The following ZFHX4 variants were observed in gnomAD, a reference collection of about 807,000 sequenced individuals.
The protein encoded by ZFHX4 is zinc finger homeobox protein 4.
ZFHX4 carries 56 observed loss-of-function variants against 267.6 expected under a neutral mutation model. The ratio of observed to expected loss-of-function variants is 0.21; its 90% CI spans 0.17 to 0.26. ZFHX4 has a LOEUF of 0.26. Among genes scored for constraint, ZFHX4 ranks in the 10% least tolerant of loss-of-function variants. The pLI is 1.00. For missense variants in ZFHX4, 4,332 were observed against 4,420.0 expected (o/e 0.98, Z 0.56); for synonymous variants, 1,778 against 1,665.6 (o/e 1.07, Z -1.64).
intron 4 of ZFHX4, among the ~76,000 whole-genome samples, chr8:76,779,492 A>G (rs16939358): frequency 0.033 from 4,963 of 152,236 alleles, 95 homozygotes; most frequent in East Asian, 0.064. Flanking sequence ...AATCAGCATC[A>G]GTGAATCAGA....
At chr8:76,681,887 G>C (rs1202222836) in intron 1 of ZFHX4, among the ~76,000 whole-genome samples, 2 of 152,156 alleles carry the variant, frequency 1.3e-5, no homozygotes, top group Non-Finnish European at 2.9e-5. Context: ...CTGAGGGAGG[G>C]AGGGGGCACT....
At chr8:76,721,711 T>C (rs1314277371) in intron 3 of ZFHX4, among the ~76,000 whole-genome samples, 2 of 152,136 alleles carry the variant, frequency 1.3e-5, no homozygotes, top group East Asian at 1.9e-4. Context: ...AGATTTCTGA[T>C]TTGCAGAACT....
At chr8:76,861,333 C>T (rs1318543228) in intron 10 of ZFHX4, among the ~76,000 whole-genome samples, 1 of 152,132 alleles carries the variant, frequency 6.6e-6, no homozygotes, top group Non-Finnish European at 1.5e-5. Flanking sequence ...AAAATTTAGT[C>T]TCCTCTAGCT....
intron 3 of ZFHX4, among the ~76,000 whole-genome samples, chr8:76,738,036 C>G (rs1188367317): frequency 6.6e-6 from 1 of 152,120 alleles, no homozygotes; most frequent in Non-Finnish European, 1.5e-5. Context: ...TAGAATTTAA[C>G]TAGTGATTCA....
At chr8:76,849,752 G>A (rs768630347) in intron 8 of ZFHX4, 40 bp downstream of exon 8, 2 of 1,535,732 alleles carry the variant, frequency 1.3e-6, no homozygotes, top group South Asian at 1.1e-5. Context: ...GACATAATCT[G>A]TGTCAGGAAT....
At chr8:76,706,736 C>A (rs1477219497) in intron 2 of ZFHX4, 58 bp downstream of exon 2, 3 of 1,453,806 alleles carry the variant, frequency 2.1e-6, no homozygotes, top group Non-Finnish European at 2.7e-6. Flanking sequence ...TTTGATTTGG[C>A]GTGATGCACC....
At chr8:76,821,541 T>C (rs75368122) in intron 4 of ZFHX4, among the ~76,000 whole-genome samples, 4 of 150,698 alleles carry the variant, frequency 2.7e-5, no homozygotes, top group African/African-American at 4.9e-5. Flanking sequence ...TTTTTTTTTT[T>C]CACTAGGCTG....
chr8:76,697,090 A>G (rs907750095), intron 1 of ZFHX4, among the ~76,000 whole-genome samples: 4 of 152,002 alleles, frequency 2.6e-5, no homozygotes, highest in African/African-American at 9.7e-5. Flanking sequence ...TACCTACGCT[A>G]TTATACTTAG....
rs1182511042 is a variant in ZFHX4, at chr8:76,851,649, C to T, written c.4728C>T (p.Ala1576=). The T allele has an allele frequency of 5.0e-6, 8 of 1,613,878 alleles. No homozygotes were observed. The South Asian group carries it at 6.6e-5, about 13-fold the overall frequency. The change falls in exon 10 of 11, where the codon GCC becomes GCT. Residue 1576 remains alanine (A), a synonymous_variant. Coordinates refer to ENST00000651372, the MANE Select transcript of ZFHX4 (RefSeq NM_024721.5). ...LHKLKKVLQE[A]SSPVPQETNS... ...AGCTGAAAAAAGTTTTGCAGGAAGC[C>T]TCCAGTCCTGTCCCACAAGAAACCA... is the stretch of plus-strand genomic sequence containing the variant.
chr8:76,757,036 G>T (rs1270100811), intron 3 of ZFHX4, among the ~76,000 whole-genome samples: 1 of 151,962 alleles, frequency 6.6e-6, no homozygotes, highest in Non-Finnish European at 1.5e-5. Context: ...CAATACACAC[G>T]CAGCCGACTC....
At chr8:76,747,339 C>T (rs1400067168) in intron 3 of ZFHX4, among the ~76,000 whole-genome samples, 1 of 152,082 alleles carries the variant, frequency 6.6e-6, no homozygotes. Flanking sequence ...AATTGCATGT[C>T]ACTGGGGTTC....
At chr8:76,835,255 A>ATGTATATATATGTG (rs1812061562) in intron 5 of ZFHX4, among the ~76,000 whole-genome samples, 14 of 142,462 alleles carry the variant, frequency 9.8e-5, no homozygotes, top group Non-Finnish European at 1.7e-4. Flanking sequence ...ATATATATAT[A>ATGTATATATATGTG]TATATTCATA....
At chr8:76,849,780 AATT>A in intron 8 of ZFHX4, 68 bp downstream of exon 8, 1 of 1,443,886 alleles carries the variant, frequency 6.9e-7, no homozygotes, top group Non-Finnish European at 9.5e-7. Flanking sequence ...TAAAATCTGT[AATT>A]ATTGGTTTAT....
At position 76,851,188 on chromosome 8, in the gene ZFHX4, G is replaced by C; in HGVS notation, c.4267G>C (p.Ala1423Pro). 1 of 1,613,884 alleles carries C rather than the reference G, an allele frequency of 6.2e-7. No individual in the cohort carries two copies. The highest frequency in any genetic ancestry group is 1.1e-5 in the South Asian group (1 of 91,070). Residue 1423 changes from alanine to proline, a missense_variant, in exon 10 of 11, where the codon GCT (alanine) becomes CCT (proline). Ala to Pro is a conservative substitution (Grantham distance 27, BLOSUM62 -1). Transcript: ENST00000651372. ...ACATTCCCAGTATCATGCAATTCGG[G>C]CTGCGACAATGTGTAACCTCTGCCA... ...QIHSQYHAIR[A>P]ATMCNLCQRS...
chr8:76,715,617 G>T (rs895642172), intron 3 of ZFHX4, among the ~76,000 whole-genome samples: 1 of 151,334 alleles, frequency 6.6e-6, no homozygotes, highest in African/African-American at 2.4e-5. Context: ...TTACAATAAG[G>T]TCAATGAAAG....
intron 4 of ZFHX4, among the ~76,000 whole-genome samples, chr8:76,784,060 T>G (rs768354034): frequency 3.9e-5 from 6 of 151,994 alleles, no homozygotes; most frequent in Non-Finnish European, 7.4e-5. Flanking sequence ...TGTTATTGTC[T>G]GTGCAGGAGT....
chr8:76,863,362 C>A lies in ZFHX4; in HGVS notation c.9648C>A (p.Pro3216=). The A allele has an allele frequency of 6.2e-7, 1 of 1,613,760 alleles. No homozygotes were observed. Among genetic ancestry groups the A allele is most frequent in the Middle Eastern group, 1.7e-4 (1 of 6,060 alleles). ...AGGCCACCAAACCCGAAAAACACCC[C>A]AAAAAAGAGGAAAAAATCTCATCTG... ...ELEATKPEKH[P]KKEEKISSAL... is the part of the protein sequence containing the mutation. Residue 3216 remains proline (P), a synonymous_variant, in exon 11 of 11, where the codon CCC becomes CCA. Coordinates refer to ENST00000651372, the MANE Select transcript of ZFHX4 (RefSeq NM_024721.5).
Position 76,849,035 on chromosome 8 carries a change from A to T in ZFHX4, c.3552A>T (p.Ala1184=). The T allele has an allele frequency of 6.4e-7, 1 of 1,560,722 alleles. No individual in the cohort carries two copies. The highest frequency in any genetic ancestry group is 1.2e-5 in the South Asian group (1 of 84,352). The change falls in exon 7 of 11, where the codon GCA becomes GCT. Residue 1184 remains alanine (A), a synonymous_variant. Transcript: ENST00000651372. The part of the protein sequence containing the change: ...TPEKELKVSV[A]GGTQPLLLAK... ...AGAAGGAACTAAAAGTTAGTGTGGC[A>T]GGGGGTACCCAGCCACTCCTGCTGG...
intron 10 of ZFHX4, 40 bp from the exon 11 acceptor site, chr8:76,863,054 T>A (rs1435625836): frequency 6.8e-7 from 1 of 1,465,288 alleles, no homozygotes; most frequent in South Asian, 1.5e-5. Context: ...GATGTTGGTC[T>A]GTACATTGAC....
Sources: allele counts gnomAD v4.1 joint callset (sites outside exome capture counted in the v4.1 genomes callset), GRCh38; gene constraint gnomAD v4.1.1; transcripts MANE v1.5; gene names NCBI Gene and HGNC (gene_info 2026-07-23, HGNC 2026-07-21).